The following RAPGEF3 variants were observed in gnomAD, a reference collection of about 807,000 sequenced individuals.
RAPGEF3 encodes the protein 9330170P05Rik.
RAPGEF3 carries 103 observed loss-of-function variants against 129.8 expected under a neutral mutation model. That is an observed-to-expected ratio of 0.79 (90% CI 0.68 to 0.93). The LOEUF (loss-of-function observed/expected upper bound fraction) is 0.93. Ranked by LOEUF, RAPGEF3 falls within the 40% of genes least tolerant of loss-of-function variation. RAPGEF3 has a pLI of 0.00. For missense variants in RAPGEF3, 1,117 were observed against 1,207.4 expected (o/e 0.93, Z 1.11); for synonymous variants, 436 against 482.6 (o/e 0.90, Z 1.26).
rs1165358297 is a variant in RAPGEF3 at position 47,749,290 on chromosome 12, C to A, written c.1041+100G>T. ...GTCATAGCCCAGCATCTCTTACCTG[C>A]CCTGCTTCTTACAGGCCCTCTGCTC... On this transcript the variant is annotated intron_variant, in intron 10 of 27. Transcript: ENST00000449771. The surrounding 1 kb of genome is among the most constrained non-coding windows in gnomAD (Gnocchi z 4.5). 1 of 1,435,002 alleles carries A rather than the reference C, an allele frequency of 7.0e-7. No homozygotes were observed. The allele number at this position is 1,435,002 out of a possible 1,614,324, so 88.9% of individuals were successfully genotyped here.
chr12:47,749,286 C>G lies in RAPGEF3; in HGVS notation c.1041+104G>C. 7.1e-7 allele frequency: 1 copy of G among 1,415,340 alleles called. No homozygotes were observed. Among genetic ancestry groups the G allele is most frequent in the Non-Finnish European group, 9.8e-7 (1 of 1,018,186 alleles). The allele number at this position is 1,415,340 out of a possible 1,614,324, so 87.7% of individuals were successfully genotyped here. On this transcript the variant is annotated intron_variant, in intron 10 of 27. Transcript: ENST00000449771. The surrounding 1 kb of genome is among the most constrained non-coding windows in gnomAD (Gnocchi z 4.5). ...AGCTGTCATAGCCCAGCATCTCTTA[C>G]CTGCCCTGCTTCTTACAGGCCCTCT... is the stretch of plus-strand genomic sequence containing the variant.
intron 19 of RAPGEF3, 199 bp from the exon 20 acceptor site, chr12:47,741,239 C>A: frequency 1.3e-6 from 1 of 758,798 alleles, no homozygotes; most frequent in Non-Finnish European, 2.1e-6. Flanking sequence ...TCCTTTTGGG[C>A]TCCTGTCTCC....
chr12:47,753,392 T>C (rs1451103611), intron 2 of RAPGEF3, among the ~76,000 whole-genome samples: 2 of 152,082 alleles, frequency 1.3e-5, no homozygotes, highest in African/African-American at 4.8e-5. Context: ...TGGCTTCAGG[T>C]CCCTGAAAAG....
intron 10 of RAPGEF3, 48 bp from the exon 11 acceptor site, chr12:47,748,979 T>G (rs370078754): frequency 1.0e-5 from 15 of 1,456,208 alleles, no homozygotes; most frequent in Middle Eastern, 3.5e-4. Context: ...GTTCCAGCTT[T>G]AGACCCTCTC....
chr12:47,758,604 G>T lies in RAPGEF3; in HGVS notation c.-48C>A, dbSNP rs917358545. On this transcript the variant is annotated 5_prime_UTR_variant, in exon 1 of 28. Transcript: ENST00000449771. ...CCGTGCAGGCTCTAGCAAAAGGCTG[G>T]GGGGTCCCCAGCGACCCCCATCAGC... is the stretch of plus-strand genomic sequence containing the variant. 1.9e-6 allele frequency: 3 copies of T among 1,612,188 alleles called. No individual in the cohort carries two copies. The African/African-American group carries it at 4.0e-5, about 22-fold the overall frequency.
At chr12:47,739,112 A>T (rs751226885) in intron 24 of RAPGEF3, 31 bp downstream of exon 24, 27 of 1,499,030 alleles carry the variant, frequency 1.8e-5, no homozygotes, top group Non-Finnish European at 2.4e-5. Context: ...GAAGGGGGGA[A>T]TGGAGGGATG....
Position 47,744,188 on chromosome 12 carries a change from C to T in RAPGEF3, c.1597-120G>A, listed in dbSNP as rs565362194. 7.6e-6 allele frequency: 6 copies of T among 790,288 alleles called. No homozygotes were observed. In the South Asian group the frequency reaches 1.1e-4, roughly 14 times the overall value. The allele number at this position is 790,288 out of a possible 1,614,324, so 49.0% of individuals were successfully genotyped here. ...GGGCGCCACACAGCATTCACACCAC[C>T]AGAGGGCTCTGCTTGCCACATTCAC... is the stretch of plus-strand genomic sequence containing the variant. On this transcript the variant is annotated intron_variant, in intron 16 of 27. Transcript: ENST00000449771.
chr12:47,746,793 CAG>C, intron 16 of RAPGEF3, 65 bp downstream of exon 16: 2 of 1,482,878 alleles, frequency 1.3e-6, no homozygotes, highest in Non-Finnish European at 1.9e-6. Context: ...CCCTCAGGGT[CAG>C]GGGGCGAAGG....
In RAPGEF3 at chr12:47,751,162, C is replaced by T. The variant is rs1460057536; in HGVS notation, c.557G>A (p.Gly186Glu). 1 of 1,554,876 alleles carries T rather than the reference C, an allele frequency of 6.4e-7. No homozygotes were observed. The highest frequency in any genetic ancestry group is 1.4e-5 in the African/African-American group (1 of 73,060). ...AGTTCTCACGGGCTCGGGCTCGGGC[C>T]CGGGGAACCGGTAGAATTGGGCATC... ...DRDAQFYRFP[G>E]PEPEPVRTHE... The change falls in exon 6 of 28, where the codon GGG becomes GAG. Residue 186 changes from glycine to glutamate, a missense_variant. Transcript: ENST00000449771.
Position 47,740,380 on chromosome 12 carries a change from C to A in RAPGEF3, c.2247G>T (p.Lys749Asn), listed in dbSNP as rs1941074562. The A allele has an allele frequency of 1.9e-6, 3 of 1,614,004 alleles. No individual in the cohort carries two copies. Among genetic ancestry groups the A allele is most frequent in the South Asian group, 1.1e-5 (1 of 91,068 alleles). The change falls in exon 22 of 28, where the codon AAG becomes AAT. Residue 749 changes from lysine (K) to asparagine (N), a missense_variant. Transcript: ENST00000449771. ...TGACGGCAAAGAAGGAATTGAGATT[C>A]TTCTGCTCCTTGAGGCTGTGAGCAG... ...IKLAAHLKEQ[K>N]NLNSFFAVMF...
chr12:47,746,783 C>T (rs1421394367), intron 16 of RAPGEF3, 77 bp downstream of exon 16: 3 of 1,448,970 alleles, frequency 2.1e-6, no homozygotes, highest in African/African-American at 2.8e-5. Context: ...CCCACAGAGC[C>T]CCTCAGGGTC....
intron 2 of RAPGEF3, 122 bp from the exon 3 acceptor site, chr12:47,752,091 G>A: frequency 2.0e-6 from 2 of 1,025,570 alleles, no homozygotes; most frequent in Non-Finnish European, 3.0e-6. Context: ...CATCCATGTG[G>A]CCACTCCTTC....
At position 47,740,171 on chromosome 12, in the gene RAPGEF3, C is replaced by A; in HGVS notation, c.2343G>T (p.Arg781=). The change falls in exon 23 of 28, where the codon CGG becomes CGT. Residue 781 remains arginine, a synonymous_variant. Transcript: ENST00000449771. ...GCCTCTCGAGGGCGGAGTACAGCTTCCGGACTTTGTGAGGCAGCCGCTGTG... is the reference window on the plus strand; with the variant it reads ...GCCTCTCGAGGGCGGAGTACAGCTTACGGACTTTGTGAGGCAGCCGCTGTG... ...HTWERLPHKV[R]KLYSALERLL... is the part of the protein sequence containing the mutation. The A allele has an allele frequency of 6.2e-7, 1 of 1,613,642 alleles. No homozygotes were observed. The highest frequency in any genetic ancestry group is 8.5e-7 in the Non-Finnish European group (1 of 1,179,916).
chr12:47,747,477 G>A (rs554946936), intron 15 of RAPGEF3, 67 bp downstream of exon 15: 78 of 1,507,038 alleles, frequency 5.2e-5, no homozygotes, highest in East Asian at 2.5e-4. Flanking sequence ...ACTCCAGAGC[G>A]TATGCTCTTG....
intron 19 of RAPGEF3, 24 bp downstream of exon 19, chr12:47,741,481 C>T: frequency 1.2e-6 from 2 of 1,600,252 alleles, no homozygotes; most frequent in Non-Finnish European, 1.7e-6. Context: ...CTCCCTGGGC[C>T]CTGGCACCCT....
At position 47,749,785 on chromosome 12, in the gene RAPGEF3, A is replaced by G. The variant is rs1164398108; in HGVS notation, c.850T>C (p.Tyr284His). 1 of 1,614,212 alleles carries G rather than the reference A, an allele frequency of 6.2e-7. No homozygotes were observed. Among genetic ancestry groups the G allele is most frequent in the Non-Finnish European group, 8.5e-7 (1 of 1,180,050 alleles). Residue 284 changes from tyrosine (Y) to histidine (H), a missense_variant, in exon 9 of 28, where the codon TAC becomes CAC. Coordinates refer to ENST00000449771, the MANE Select transcript of RAPGEF3 (RefSeq NM_001098531.4). The surrounding 1 kb of genome is among the most constrained non-coding windows in gnomAD (Gnocchi z 4.5). ...TTGACAGATCCCTTCCAGATAATGT[A>G]CCACGAAGTGCCCTTGTCCCCCTGG... ...FSQGDKGTSW[Y>H]IIWKGSVNVV... is the part of the protein sequence containing the mutation.
At chr12:47,752,093 C>T in intron 2 of RAPGEF3, 124 bp from the exon 3 acceptor site, 1 of 1,003,800 alleles carries the variant, frequency 1.0e-6, no homozygotes, top group South Asian at 1.4e-5. Flanking sequence ...TCCATGTGGC[C>T]ACTCCTTCAG....
chr12:47,737,142 C>T lies in RAPGEF3; in HGVS notation c.*425G>A. On this transcript the variant is annotated 3_prime_UTR_variant, in exon 28 of 28. Coordinates refer to ENST00000449771, the MANE Select transcript of RAPGEF3 (RefSeq NM_001098531.4). ...CCCTGCCCCAGGCCAAGGCCCTGCC[C>T]TTGCCACACACGGTACACACATGCA... The T allele has an allele frequency of 5.1e-6, 1 of 194,206 alleles. No individual in the cohort carries two copies. The highest frequency in any genetic ancestry group is 9.7e-5 in the South Asian group (1 of 10,326). The allele number at this position is 194,206 out of a possible 1,614,324, so 12.0% of individuals were successfully genotyped here.
At position 47,735,295 on chromosome 12, in the gene RAPGEF3, A is replaced by T. The variant is rs961650130; in HGVS notation, c.*2272T>A. On this transcript the variant is annotated 3_prime_UTR_variant, in exon 28 of 28. Coordinates refer to ENST00000449771, the MANE Select transcript of RAPGEF3 (RefSeq NM_001098531.4). ...AGACACAAAATGGGAGCCCCTGCAC[A>T]CAGCCTGGGCTGCTAGGGAACACCA... is the stretch of plus-strand genomic sequence containing the variant. 1 of 152,174 alleles carries T rather than the reference A, an allele frequency of 6.6e-6. No homozygotes were observed. Among genetic ancestry groups the T allele is most frequent in the African/African-American group, 2.4e-5 (1 of 41,382 alleles). 9.4% of individuals were successfully genotyped at this position (152,174 alleles called of 1,614,324 possible). A position where few individuals can be genotyped will look rare whatever the true frequency, so the allele number is the denominator to read the frequency against.
Sources: gnomAD v4.1 joint callset for allele counts (sites outside exome capture counted in the v4.1 genomes callset) on GRCh38, gnomAD v4.1.1 for gene constraint, Gnocchi (gnomAD v3.1) non-coding constraint, MANE v1.5 for transcripts, NCBI Gene and HGNC (gene_info 2026-07-23, HGNC 2026-07-21) for gene names.